RNF180: variants seen among roughly 807,000 people sequenced by gnomAD.
RNF180 encodes the protein E3 ubiquitin-protein ligase RNF180.
In RNF180, 38 loss-of-function variants were observed where a neutral mutation model predicts 59.2. That is an observed-to-expected ratio of 0.64 (90% CI 0.50 to 0.84). The LOEUF (loss-of-function observed/expected upper bound fraction) is 0.84, where lower values mean the gene tolerates loss of function less well. Ranked by LOEUF, RNF180 falls within the 40% of genes least tolerant of loss-of-function variation. The pLI, the probability that RNF180 is intolerant of heterozygous loss-of-function variation, is 0.00. For missense variants in RNF180, 705 were observed against 700.9 expected (o/e 1.01, Z -0.07); for synonymous variants, 262 against 240.3 (o/e 1.09, Z -0.84).
At chr5:64,169,134 C>T (rs1749805300) in intron 1 of RNF180, among the ~76,000 whole-genome samples, 1 of 152,172 alleles carries the variant, frequency 6.6e-6, no homozygotes, top group Admixed American at 6.5e-5. Context: ...TGAACTAGTT[C>T]CTTACAGTTT....
At chr5:64,207,991 T>A (rs1752109461) in intron 2 of RNF180, among the ~76,000 whole-genome samples, 1 of 152,198 alleles carries the variant, frequency 6.6e-6, no homozygotes, top group African/African-American at 2.4e-5. Flanking sequence ...CAAAATATTA[T>A]GTAATAATAT....
intron 7 of RNF180, among the ~76,000 whole-genome samples, chr5:64,331,640 C>T (rs896946657): frequency 3.3e-5 from 5 of 152,166 alleles, no homozygotes; most frequent in Non-Finnish European, 7.3e-5. Context: ...ACCTTGCTTA[C>T]CCTCCAGTTG....
intron 5 of RNF180, among the ~76,000 whole-genome samples, chr5:64,280,112 A>G (rs766974519): frequency 3.3e-5 from 5 of 152,092 alleles, no homozygotes; most frequent in Non-Finnish European, 7.4e-5. Context: ...CTAGTTGGCC[A>G]TGTGTATGTC....
chr5:64,217,582 A>T, intron 5 of RNF180, 186 bp downstream of exon 5: 2 of 968,278 alleles, frequency 2.1e-6, no homozygotes, highest in Non-Finnish European at 1.3e-6. Context: ...TCATGACTTT[A>T]ATTTGCTTTT....
At chr5:64,211,007 G>A (rs140874871) in intron 2 of RNF180, among the ~76,000 whole-genome samples, 16 of 152,224 alleles carry the variant, frequency 1.1e-4, no homozygotes, top group African/African-American at 3.8e-4. Flanking sequence ...TGGGGTGGCT[G>A]ATTGGTTGGG....
intron 5 of RNF180, among the ~76,000 whole-genome samples, chr5:64,219,560 G>A (rs1752803614): frequency 6.6e-6 from 1 of 152,032 alleles, no homozygotes; most frequent in African/African-American, 2.4e-5. Context: ...CTGTCACCAG[G>A]CTGGAGTGCA....
chr5:64,172,235 G>A (rs955783718), intron 1 of RNF180, among the ~76,000 whole-genome samples: 3 of 152,152 alleles, frequency 2.0e-5, no homozygotes, highest in African/African-American at 7.2e-5. Context: ...TCAGGCACAG[G>A]TATGTGTGTG....
Position 64,356,317 on chromosome 5 carries a change from G to A in RNF180, c.1580-13298G>A, listed in dbSNP as rs140056003. ...TATCAAGAAAGTAAAAAGACAACATGGCTACCTACAGAATGGAAGAAAATG... is the reference window on the plus strand; with the variant it reads ...TATCAAGAAAGTAAAAAGACAACATAGCTACCTACAGAATGGAAGAAAATG... On this transcript the variant is annotated intron_variant, in intron 7 of 7. Coordinates refer to ENST00000389100, the MANE Select transcript of RNF180 (RefSeq NM_001113561.2). 1.9e-4 allele frequency among the ~76,000 whole-genome samples: 29 copies of A among 151,646 alleles called. No individual in the cohort carries two copies. The East Asian group carries it at 5.5e-3, about 29-fold the overall frequency.
At chr5:64,294,011 C>G (rs1296273428) in intron 5 of RNF180, among the ~76,000 whole-genome samples, 1 of 152,048 alleles carries the variant, frequency 6.6e-6, no homozygotes, top group Non-Finnish European at 1.5e-5. Context: ...GCTATGTATG[C>G]GTGATGCATG....
chr5:64,256,305 G>A (rs188795254), intron 5 of RNF180, among the ~76,000 whole-genome samples: 101 of 152,266 alleles, frequency 6.6e-4, no homozygotes, highest in African/African-American at 2.2e-3. Context: ...TATTGCCTAG[G>A]TTTTCTTCTT....
intron 5 of RNF180, among the ~76,000 whole-genome samples, chr5:64,315,400 T>A (rs1743983571): frequency 6.6e-6 from 1 of 152,154 alleles, no homozygotes; most frequent in Admixed American, 6.5e-5. Context: ...GTAAAAATGA[T>A]GTTCTATGAA....
At chr5:64,245,831 A>G (rs1743119109) in intron 5 of RNF180, among the ~76,000 whole-genome samples, 1 of 152,196 alleles carries the variant, frequency 6.6e-6, no homozygotes, top group Non-Finnish European at 1.5e-5. Context: ...TAAACACCAC[A>G]TAGCACTTAT....
chr5:64,360,108 G>C (rs930242154), intron 7 of RNF180, among the ~76,000 whole-genome samples: 1 of 151,888 alleles, frequency 6.6e-6, no homozygotes, highest in South Asian at 2.1e-4. Flanking sequence ...GGATTGACTT[G>C]GTTATGCGGG....
rs532779833 is a variant in RNF180, at chr5:64,276,213, G to A, written c.1228-48973G>A. ...AAAAATTTAATAATTTAATTTCTTT[G>A]TTATCCACATACTGTTGTGTCATCC... On this transcript the variant is annotated intron_variant, in intron 5 of 7. Coordinates refer to ENST00000389100, the MANE Select transcript of RNF180 (RefSeq NM_001113561.2). 1.5e-4 allele frequency among the ~76,000 whole-genome samples: 23 copies of A among 151,998 alleles called. No individual in the cohort carries two copies. In the South Asian group the frequency reaches 4.4e-3, roughly 29 times the overall value.
intron 5 of RNF180, among the ~76,000 whole-genome samples, chr5:64,260,991 GCTC>G (rs1744307905): frequency 6.8e-6 from 1 of 148,102 alleles, no homozygotes; most frequent in South Asian, 2.1e-4. Context: ...CAACAGTCAT[GCTC>G]ATACTGAATG....
chr5:64,302,928 A>T (rs576526311), intron 5 of RNF180, among the ~76,000 whole-genome samples: 2 of 151,666 alleles, frequency 1.3e-5, no homozygotes, highest in Non-Finnish European at 3.0e-5. Context: ...CACTTTGTAG[A>T]TACTGTGTTT....
At chr5:64,270,567 A>G (rs1741340485) in intron 5 of RNF180, among the ~76,000 whole-genome samples, 1 of 152,156 alleles carries the variant, frequency 6.6e-6, no homozygotes, top group Non-Finnish European at 1.5e-5. Context: ...CTGTGAGGGA[A>G]GTGGCATTCT....
intron 1 of RNF180, among the ~76,000 whole-genome samples, chr5:64,174,328 T>C (rs989551810): frequency 6.6e-6 from 1 of 152,154 alleles, no homozygotes; most frequent in African/African-American, 2.4e-5. Flanking sequence ...TACCCAGAAG[T>C]GGGATAGCTG....
At chr5:64,314,845 G>A (rs190486310) in intron 5 of RNF180, among the ~76,000 whole-genome samples, 1 of 152,204 alleles carries the variant, frequency 6.6e-6, no homozygotes, top group Non-Finnish European at 1.5e-5. Flanking sequence ...TAGACATGCA[G>A]TCAGAAAAAG....
Sources: allele counts gnomAD v4.1 joint callset (sites outside exome capture counted in the v4.1 genomes callset), GRCh38; gene constraint gnomAD v4.1.1; transcripts MANE v1.5; gene names NCBI Gene and HGNC (gene_info 2026-07-23, HGNC 2026-07-21).